GLRA3: variants seen among roughly 807,000 people sequenced by gnomAD.
GLRA3 encodes the protein glycine receptor subunit alpha-3.
In GLRA3, 44 loss-of-function variants were observed where a neutral mutation model predicts 60.4. The ratio of observed to expected loss-of-function variants is 0.73; its 90% CI spans 0.57 to 0.94. GLRA3 has a LOEUF of 0.94. Ranked by LOEUF, GLRA3 falls within the 40% of genes least tolerant of loss-of-function variation. The pLI is 0.00. For synonymous variants in GLRA3, 223 were observed against 192.9 expected (o/e 1.16, Z -1.29); for missense variants, 508 against 564.6 (o/e 0.90, Z 1.02).
chr4:174,761,688 C>G (rs951846691), intron 3 of GLRA3, among the ~76,000 whole-genome samples: 1 of 152,096 alleles, frequency 6.6e-6, no homozygotes, highest in African/African-American at 2.4e-5. Flanking sequence ...CCAATATGTT[C>G]ATTTAAAAAT....
rs1370536441 is a variant in GLRA3, at chr4:174,637,167, T to C, written c.*6619A>G. On this transcript the variant is annotated 3_prime_UTR_variant, in exon 10 of 10. Transcript: ENST00000274093. Reference sequence around the variant, plus strand: ...AGGAAGACAGACTTAGACATAAGACTCAAGAAGACAGAAAAATAATTTACA... The same window carrying C: ...AGGAAGACAGACTTAGACATAAGACCCAAGAAGACAGAAAAATAATTTACA... 2 of 152,120 alleles carry C rather than the reference T, an allele frequency of 1.3e-5. No individual in the cohort carries two copies. The highest frequency in any genetic ancestry group is 2.9e-5 in the Non-Finnish European group (2 of 68,006). The allele number at this position is 152,120 out of a possible 1,614,324, so 9.4% of individuals were successfully genotyped here.
At chr4:174,662,792 C>T (rs1733501528) in intron 7 of GLRA3, among the ~76,000 whole-genome samples, 1 of 151,176 alleles carries the variant, frequency 6.6e-6, no homozygotes, top group Non-Finnish European at 1.5e-5. Flanking sequence ...CTGTGTTACC[C>T]TAACACATTG....
At chr4:174,795,559 CTT>C (rs1372933078) in intron 1 of GLRA3, among the ~76,000 whole-genome samples, 5 of 152,084 alleles carry the variant, frequency 3.3e-5, no homozygotes, top group African/African-American at 9.7e-5. Context: ...AATACACAAA[CTT>C]TTATAAGCCT....
chr4:174,754,768 A>G (rs1423787762), intron 3 of GLRA3, among the ~76,000 whole-genome samples: 1 of 152,154 alleles, frequency 6.6e-6, no homozygotes, highest in Non-Finnish European at 1.5e-5. Flanking sequence ...AAATTACTGT[A>G]AAACCTAGCC....
In GLRA3 at chr4:174,733,393, A is replaced by G. The variant is rs538965291; in HGVS notation, c.268-4695T>C. On this transcript the variant is annotated intron_variant, in intron 3 of 9. Coordinates refer to ENST00000274093, the MANE Select transcript of GLRA3 (RefSeq NM_006529.4). ...GTTTTCTGTATGTTGTGTTTTTTTG[A>G]CATCTTAAAAAATCCTTCTGGCTGT... 3.9e-5 allele frequency among the ~76,000 whole-genome samples: 6 copies of G among 152,312 alleles called. No individual in the cohort carries two copies. The South Asian group carries it at 1.2e-3, about 32-fold the overall frequency.
chr4:174,648,394 G>A (rs976713420), intron 9 of GLRA3, among the ~76,000 whole-genome samples: 2 of 152,156 alleles, frequency 1.3e-5, no homozygotes, highest in Non-Finnish European at 2.9e-5. Flanking sequence ...AACCCAGGAC[G>A]TAGAGGTTGC....
At position 174,658,869 on chromosome 4, in the gene GLRA3, T is replaced by C. The variant is rs183309730; in HGVS notation, c.1071+185A>G. ...ATATGCTGTTTAAAGTAGAGCTAGG[T>C]GTCATCATTTTCTCCCTAAAGCTAT... is the stretch of plus-strand genomic sequence containing the variant. On this transcript the variant is annotated intron_variant, in intron 8 of 9. Coordinates refer to ENST00000274093, the MANE Select transcript of GLRA3 (RefSeq NM_006529.4). Among the ~76,000 whole-genome samples the C allele has an allele frequency of 1.4e-3, 219 of 152,316 alleles. 1 individual carries two copies. The highest frequency in any genetic ancestry group is 0.01 in the Middle Eastern group (3 of 294).
chr4:174,786,727 TA>T (rs1739143991), intron 2 of GLRA3, among the ~76,000 whole-genome samples: 1 of 152,204 alleles, frequency 6.6e-6, no homozygotes, highest in South Asian at 2.1e-4. Context: ...AAGTGTTAGC[TA>T]AAAACTAATC....
intron 2 of GLRA3, among the ~76,000 whole-genome samples, chr4:174,779,166 A>G (rs563397999): frequency 3.9e-4 from 59 of 151,838 alleles, no homozygotes; most frequent in Admixed American, 1.4e-3. Context: ...CCTGACCCCC[A>G]AGCAGCCTAA....
intron 9 of GLRA3, among the ~76,000 whole-genome samples, chr4:174,653,969 T>C (rs560986462): frequency 3.3e-5 from 5 of 152,278 alleles, no homozygotes; most frequent in African/African-American, 1.2e-4. Flanking sequence ...AATTTTTGTC[T>C]TATTTGAGAG....
At chr4:174,695,288 AAAG>A (rs1181938080) in intron 5 of GLRA3, among the ~76,000 whole-genome samples, 1 of 152,092 alleles carries the variant, frequency 6.6e-6, no homozygotes, top group Non-Finnish European at 1.5e-5. Flanking sequence ...CGCAACAAAA[AAAG>A]AAAACTTCAG....
At chr4:174,692,234 C>G (rs1353512046) in intron 5 of GLRA3, among the ~76,000 whole-genome samples, 6 of 150,472 alleles carry the variant, frequency 4.0e-5, no homozygotes, top group African/African-American at 1.5e-4. Context: ...GGTCAGCCCC[C>G]GCCAGGCCAG....
At chr4:174,794,336 A>C (rs1218119289) in intron 1 of GLRA3, among the ~76,000 whole-genome samples, 1 of 152,194 alleles carries the variant, frequency 6.6e-6, no homozygotes, top group Non-Finnish European at 1.5e-5. Context: ...AAGTAGTGGT[A>C]GGGACTGGCA....
intron 5 of GLRA3, among the ~76,000 whole-genome samples, chr4:174,688,230 A>C (rs1734623709): frequency 6.7e-6 from 1 of 148,286 alleles, no homozygotes; most frequent in Non-Finnish European, 1.5e-5. Flanking sequence ...GCTTTCTTTG[A>C]CCATCTAATA....
At position 174,791,835 on chromosome 4, in the gene GLRA3, T is replaced by C. The variant is rs141413942; in HGVS notation, c.72-2892A>G. Among the ~76,000 whole-genome samples the C allele has an allele frequency of 4.6e-3, 707 of 152,334 alleles. 7 individuals are homozygous for C. Among genetic ancestry groups the C allele is most frequent in the African/African-American group, 0.016 (680 of 41,582 alleles). On this transcript the variant is annotated intron_variant, in intron 1 of 9. Transcript: ENST00000274093. ...GGCGACTATGGAAATCATATTGTCT[T>C]TTCTCCCCAGAGTTTGGTGTTGTTG...
chr4:174,768,026 T>A (rs1206858439), intron 2 of GLRA3, among the ~76,000 whole-genome samples: 8 of 152,040 alleles, frequency 5.3e-5, no homozygotes, highest in Admixed American at 5.3e-4. Flanking sequence ...GAGATAGAAA[T>A]TTTTCCCACC....
chr4:174,685,299 C>T (rs1473789574), intron 5 of GLRA3, among the ~76,000 whole-genome samples: 1 of 152,074 alleles, frequency 6.6e-6, no homozygotes, highest in Admixed American at 6.5e-5. Context: ...AGCCAGATGC[C>T]CTACCACACT....
intron 1 of GLRA3, among the ~76,000 whole-genome samples, chr4:174,794,767 T>C (rs911243433): frequency 3.9e-5 from 6 of 152,164 alleles, no homozygotes; most frequent in African/African-American, 1.4e-4. Flanking sequence ...TTCCTGAAAT[T>C]TGATCTGATA....
At chr4:174,744,184 C>A (rs1466400699) in intron 3 of GLRA3, among the ~76,000 whole-genome samples, 1 of 152,242 alleles carries the variant, frequency 6.6e-6, no homozygotes, top group Non-Finnish European at 1.5e-5. Context: ...CTGGCAACAC[C>A]ACCGTGCGGT....
Sources: gnomAD v4.1 joint callset for allele counts (sites outside exome capture counted in the v4.1 genomes callset) on GRCh38, gnomAD v4.1.1 for gene constraint, MANE v1.5 for transcripts, NCBI Gene and HGNC (gene_info 2026-07-23, HGNC 2026-07-21) for gene names.